The following GRK3 variants were observed in gnomAD, a reference collection of about 807,000 sequenced individuals.
GRK3 encodes the protein adrenergic, beta, receptor kinase 2.
Under a neutral mutation model 95.7 loss-of-function variants are expected in GRK3, and 54 were observed. The observed-to-expected ratio is 0.56, with a 90% CI of 0.45 to 0.71. GRK3 has a LOEUF of 0.71. Among genes scored for constraint, GRK3 ranks in the 30% least tolerant of loss-of-function variants. The pLI is 0.00. For synonymous variants in GRK3, 281 were observed against 290.8 expected, an observed-to-expected ratio of 0.97 and a Z score of 0.34; for missense variants, 649 against 851.2, an observed-to-expected ratio of 0.76 and a Z score of 2.96.
chr22:25,695,407 C>G (rs1053716364), intron 13 of GRK3, among the ~76,000 whole-genome samples, 193 bp downstream of exon 13: 2 of 152,176 alleles, frequency 1.3e-5, no homozygotes, highest in African/African-American at 4.8e-5. Flanking sequence ...TAGATAAAAG[C>G]TTATGGCTTC....
intron 2 of GRK3, among the ~76,000 whole-genome samples, chr22:25,637,965 A>C (rs1354269761): frequency 6.6e-6 from 1 of 152,154 alleles, no homozygotes; most frequent in Non-Finnish European, 1.5e-5. Context: ...CAGCCCACCT[A>C]CGTTATGGGG....
chr22:25,594,388 A>C (rs2084357269), intron 1 of GRK3, among the ~76,000 whole-genome samples: 1 of 152,304 alleles, frequency 6.6e-6, no homozygotes, highest in Admixed American at 6.5e-5. Context: ...AACCTGGCAA[A>C]GACACAGTGA....
intron 13 of GRK3, chr22:25,702,870 G>A (rs751562110): frequency 3.1e-5 from 14 of 455,924 alleles, no homozygotes; most frequent in Non-Finnish European, 4.9e-5. Context: ...AGGTTTCTAT[G>A]TGGCTGACAG....
intron 16 of GRK3, 93 bp downstream of exon 16, chr22:25,710,057 A>G (rs1303880100): frequency 5.3e-6 from 5 of 951,620 alleles, no homozygotes; most frequent in Non-Finnish European, 8.6e-6. Flanking sequence ...CTCTCTATGC[A>G]CTGCTGGCTT....
At chr22:25,609,365 C>T (rs903869087) in intron 2 of GRK3, among the ~76,000 whole-genome samples, 1 of 151,446 alleles carries the variant, frequency 6.6e-6, no homozygotes, top group African/African-American at 2.4e-5. Flanking sequence ...ACAGTCTTGC[C>T]CTGTTGCCCA....
At position 25,714,392 on chromosome 22, in the gene GRK3, T is replaced by A. The variant is rs1206939985; in HGVS notation, c.1492-16T>A. 6.3e-7 allele frequency: 1 copy of A among 1,592,200 alleles called. No individual in the cohort carries two copies. The highest frequency in any genetic ancestry group is 8.5e-7 in the Non-Finnish European group (1 of 1,172,198). On this transcript the variant is annotated splice_polypyrimidine_tract_variant and intron_variant, in intron 17 of 20. Coordinates refer to ENST00000324198, the MANE Select transcript of GRK3 (RefSeq NM_005160.4). ...TATGTTAAATCATAAATATCTTGAT[T>A]TCTTAAAATAATCAGCTACTTGATT...
intron 3 of GRK3, among the ~76,000 whole-genome samples, chr22:25,660,611 G>T (rs572798343): frequency 2.3e-4 from 35 of 152,116 alleles, no homozygotes; most frequent in Non-Finnish European, 4.9e-4. Context: ...TAATAAATAG[G>T]ATTTGCTGGT....
chr22:25,580,214 C>T (rs1601448670), intron 1 of GRK3: 1 of 152,238 alleles, frequency 6.6e-6, no homozygotes, highest in East Asian at 1.9e-4. Flanking sequence ...CAGGGGGTCA[C>T]TGCAGATAAA....
intron 1 of GRK3, among the ~76,000 whole-genome samples, chr22:25,587,300 C>T (rs1430832026): frequency 1.3e-5 from 2 of 152,182 alleles, no homozygotes; most frequent in Admixed American, 6.5e-5. Flanking sequence ...GCTTCCTGAC[C>T]CTAGTCTCTG....
chr22:25,625,836 C>G (rs2084623733), intron 2 of GRK3, among the ~76,000 whole-genome samples: 1 of 152,168 alleles, frequency 6.6e-6, no homozygotes, highest in African/African-American at 2.4e-5. Flanking sequence ...CTCTCTCTCT[C>G]TGCCTCGGCT....
intron 2 of GRK3, among the ~76,000 whole-genome samples, chr22:25,624,433 G>A (rs962684666): frequency 7.2e-5 from 11 of 151,986 alleles, no homozygotes; most frequent in Non-Finnish European, 1.3e-4. Flanking sequence ...GTGTGGTGGC[G>A]GGCACCTGTA....
intron 6 of GRK3, among the ~76,000 whole-genome samples, chr22:25,671,470 A>G (rs1460255655): frequency 6.6e-6 from 1 of 152,264 alleles, no homozygotes; most frequent in Non-Finnish European, 1.5e-5. Context: ...GAAAACACTC[A>G]TCAAGCAGTT....
At chr22:25,566,787 A>C (rs116181481) in intron 1 of GRK3, among the ~76,000 whole-genome samples, 2,607 of 152,328 alleles carry the variant, frequency 0.017, 76 homozygotes, top group African/African-American at 0.059. Context: ...AAAAGGCTTA[A>C]TTCCTCTTTT....
At chr22:25,645,974 A>T (rs1287600801) in intron 3 of GRK3, among the ~76,000 whole-genome samples, 1 of 152,008 alleles carries the variant, frequency 6.6e-6, no homozygotes, top group Admixed American at 6.6e-5. Context: ...GTCCTAAAAA[A>T]TGACAACCCA....
chr22:25,589,041 G>T (rs1452056221), intron 1 of GRK3, among the ~76,000 whole-genome samples: 1 of 152,172 alleles, frequency 6.6e-6, no homozygotes, highest in Non-Finnish European at 1.5e-5. Context: ...GAAGAGCTGA[G>T]ATTATAGAGC....
At position 25,687,625 on chromosome 22, in the gene GRK3, G is replaced by C; in HGVS notation, c.915G>C (p.Leu305=). The change falls in exon 11 of 21, where the codon CTG becomes CTC. Residue 305 remains leucine, a synonymous_variant. Coordinates refer to ENST00000324198, the MANE Select transcript of GRK3 (RefSeq NM_005160.4). ...ATGCCACTGAAATCATTCTGGGTCT[G>C]GAACACATGCACAATCGGTTTGTTG... ...RFYATEIILG[L]EHMHNRFVVY... is the part of the protein sequence containing the mutation. 6.2e-7 allele frequency: 1 copy of C among 1,614,164 alleles called. No homozygotes were observed. The highest frequency in any genetic ancestry group is 8.5e-7 in the Non-Finnish European group (1 of 1,180,010).
chr22:25,638,346 G>A (rs779499330), intron 2 of GRK3, among the ~76,000 whole-genome samples: 1 of 152,228 alleles, frequency 6.6e-6, no homozygotes, highest in Non-Finnish European at 1.5e-5. Context: ...GGGACAAGAA[G>A]TGGAGAAGAA....
intron 2 of GRK3, among the ~76,000 whole-genome samples, chr22:25,606,136 T>C (rs1432780097): frequency 6.6e-6 from 1 of 152,216 alleles, no homozygotes; most frequent in Non-Finnish European, 1.5e-5. Context: ...TGTGGCTGAG[T>C]ATCTCAGTTG....
chr22:25,647,332 C>A, intron 3 of GRK3: 2 of 1,240,042 alleles, frequency 1.6e-6, no homozygotes, highest in South Asian at 1.2e-5. Flanking sequence ...CAGAGCCTGT[C>A]AGTACAAGGG....
Sources: allele counts gnomAD v4.1 joint callset (sites outside exome capture counted in the v4.1 genomes callset), GRCh38; gene constraint gnomAD v4.1.1; transcripts MANE v1.5; gene names NCBI Gene and HGNC (gene_info 2026-07-23, HGNC 2026-07-21).